Variants in ASIC2 observed in about 807,000 individuals in gnomAD.
ASIC2 encodes the protein acid sensing ion channel subunit 2.
ASIC2 carries 25 observed loss-of-function variants against 57.3 expected under a neutral mutation model. The observed-to-expected ratio is 0.44, with a 90% CI of 0.32 to 0.61. The LOEUF is 0.61. Ranked by LOEUF, ASIC2 falls within the 20% of genes least tolerant of loss-of-function variation. The probability of loss-of-function intolerance (pLI) is 0.06; values close to 1 mark genes in which losing one functional copy is unlikely to be tolerated. For missense variants in ASIC2, 641 were observed against 738.1 expected (o/e 0.87, Z 1.52); for synonymous variants, 319 against 307.5 (o/e 1.04, Z -0.39).
chr17:34,002,558 C>T (rs139399486), intron 1 of ASIC2: 1 of 152,240 alleles, frequency 6.6e-6, no homozygotes, highest in Non-Finnish European at 1.5e-5. Flanking sequence ...AGGAAAGGTG[C>T]TCTCCTCAAA....
chr17:33,981,087 A>T lies in ASIC2; in HGVS notation c.555+174891T>A, dbSNP rs1597960798. Among the ~76,000 whole-genome samples, 3 of 151,766 alleles carry T rather than the reference A, an allele frequency of 2.0e-5. No homozygotes were observed. The South Asian group carries it at 6.3e-4, about 32-fold the overall frequency. Reference sequence around the variant, plus strand: ...AGTAGCTGAGACCACAGGCGTGCACAATCTCGCCTGGCTAATTTTTTTTCT... The same window carrying T: ...AGTAGCTGAGACCACAGGCGTGCACTATCTCGCCTGGCTAATTTTTTTTCT... On this transcript the variant is annotated intron_variant, in intron 1 of 9. Coordinates refer to the ASIC2 transcript ENST00000359872.
chr17:34,059,676 C>G (rs1908898140), intron 1 of ASIC2, among the ~76,000 whole-genome samples: 1 of 152,150 alleles, frequency 6.6e-6, no homozygotes, highest in Admixed American at 6.5e-5. Flanking sequence ...ATGCGACCAG[C>G]CCTTTGGTTG....
At chr17:33,838,975 G>A (rs1019482744) in intron 1 of ASIC2, among the ~76,000 whole-genome samples, 1 of 152,170 alleles carries the variant, frequency 6.6e-6, no homozygotes, top group Admixed American at 6.5e-5. Context: ...TAGGTGTAAG[G>A]AGGGGCCCAA....
chr17:33,660,421 C>A (rs1297912770), intron 1 of ASIC2, among the ~76,000 whole-genome samples: 3 of 151,736 alleles, frequency 2.0e-5, no homozygotes, highest in Non-Finnish European at 1.5e-5. Flanking sequence ...AAAATATTTT[C>A]TTTATATTCT....
intron 1 of ASIC2, among the ~76,000 whole-genome samples, chr17:33,363,437 T>C (rs1170464898): frequency 1.3e-5 from 2 of 152,348 alleles, no homozygotes; most frequent in East Asian, 3.9e-4. Context: ...TGAGATTTTA[T>C]AAAACTGAGG....
intron 1 of ASIC2, among the ~76,000 whole-genome samples, chr17:33,600,970 C>T (rs1036760896): frequency 2.6e-5 from 4 of 152,248 alleles, no homozygotes; most frequent in Middle Eastern, 3.4e-3. Context: ...GAAGGCAGAA[C>T]TTAGGAGTGA....
At position 33,246,029 on chromosome 17, in the gene ASIC2, T is replaced by TAAA. The variant is rs35562770; in HGVS notation, c.708+45376_708+45378dup. Among the ~76,000 whole-genome samples, 255 of 145,294 alleles carry TAAA rather than the reference T, an allele frequency of 1.8e-3. 3 individuals carry two copies. The highest frequency in any genetic ancestry group is 3.5e-3 in the Middle Eastern group (1 of 286). On this transcript the variant is annotated intron_variant, in intron 1 of 9. Transcript: ENST00000225823. ...TAGTGAGACCCTCCCTACCTCTACT[T>TAAA]AAAAAAAAAAAAAAGTCACTGTGGA... is the stretch of plus-strand genomic sequence containing the variant.
chr17:34,016,642 A>C (rs1906992170), intron 1 of ASIC2, among the ~76,000 whole-genome samples: 1 of 152,178 alleles, frequency 6.6e-6, no homozygotes, highest in Non-Finnish European at 1.5e-5. Context: ...AGCTATAGAT[A>C]TGCATGTGTG....
chr17:33,574,901 T>C (rs1916569115), intron 1 of ASIC2, among the ~76,000 whole-genome samples: 1 of 151,914 alleles, frequency 6.6e-6, no homozygotes, highest in Non-Finnish European at 1.5e-5. Context: ...AATATTCATA[T>C]TTTATAGATG....
chr17:33,533,505 C>T (rs1452058923), intron 1 of ASIC2: 2 of 152,186 alleles, frequency 1.3e-5, no homozygotes, highest in East Asian at 1.9e-4. Flanking sequence ...GCCATGACAT[C>T]TTCTCTATCT....
At chr17:33,862,773 G>C (rs971597428) in intron 1 of ASIC2, among the ~76,000 whole-genome samples, 4 of 152,188 alleles carry the variant, frequency 2.6e-5, no homozygotes, top group Non-Finnish European at 5.9e-5. Flanking sequence ...ACAACTCAGA[G>C]AAGATGCCAT....
chr17:34,013,878 G>A (rs1267954776), intron 1 of ASIC2, among the ~76,000 whole-genome samples: 1 of 152,156 alleles, frequency 6.6e-6, no homozygotes, highest in African/African-American at 2.4e-5. Flanking sequence ...TTACCCCGCA[G>A]CCCTCAGTGT....
chr17:33,337,532 C>G (rs1334534258), intron 1 of ASIC2, among the ~76,000 whole-genome samples: 1 of 152,178 alleles, frequency 6.6e-6, no homozygotes, highest in East Asian at 1.9e-4. Flanking sequence ...CTCAACTGTT[C>G]AAAGGGGATA....
chr17:34,110,557 G>A (rs1019801985), intron 1 of ASIC2, among the ~76,000 whole-genome samples: 4 of 152,146 alleles, frequency 2.6e-5, no homozygotes, highest in Non-Finnish European at 5.9e-5. Context: ...GGCTGGGGAG[G>A]GAGGGCTCAG....
chr17:33,819,541 A>G (rs1352125351), intron 1 of ASIC2, among the ~76,000 whole-genome samples: 2 of 152,238 alleles, frequency 1.3e-5, no homozygotes, highest in African/African-American at 2.4e-5. Flanking sequence ...TGAAGGGCAT[A>G]CTCTAGAATT....
chr17:34,094,465 G>A (rs1369167905), intron 1 of ASIC2, among the ~76,000 whole-genome samples: 1 of 152,176 alleles, frequency 6.6e-6, no homozygotes, highest in Non-Finnish European at 1.5e-5. Flanking sequence ...CTCCTCAATG[G>A]ATTGTGATCC....
At chr17:34,067,874 T>A (rs564180157) in intron 1 of ASIC2, among the ~76,000 whole-genome samples, 2 of 152,212 alleles carry the variant, frequency 1.3e-5, no homozygotes, top group African/African-American at 4.8e-5. Flanking sequence ...TAGCAATATA[T>A]AGATACACAG....
intron 1 of ASIC2, among the ~76,000 whole-genome samples, chr17:33,817,458 T>G (rs886173171): frequency 7.2e-5 from 11 of 152,228 alleles, no homozygotes; most frequent in Admixed American, 3.9e-4. Flanking sequence ...TAACTGGTGC[T>G]GCCTTCTGCT....
chr17:33,044,522 G>A (rs947214667), intron 3 of ASIC2, among the ~76,000 whole-genome samples: 4 of 151,958 alleles, frequency 2.6e-5, no homozygotes, highest in South Asian at 2.1e-4. Flanking sequence ...ACAGGCACCC[G>A]AAACTAATTT....
Sources: allele counts gnomAD v4.1 joint callset (sites outside exome capture counted in the v4.1 genomes callset), GRCh38; gene constraint gnomAD v4.1.1; transcripts MANE v1.5; gene names NCBI Gene and HGNC (gene_info 2026-07-23, HGNC 2026-07-21).